The following SLC67A2 variants were observed in gnomAD, a reference collection of about 807,000 sequenced individuals.
The protein encoded by SLC67A2 is solute carrier family 67 member A2.
chr2:102,733,291 T>C, the SLC67A2 span, among the ~76,000 whole-genome samples: 1 of 152,218 alleles, frequency 6.6e-6, no homozygotes, highest in Non-Finnish European at 1.5e-5. Flanking sequence ...GTTTTCATTA[T>C]ATTCGACCTG....
the SLC67A2 span, among the ~76,000 whole-genome samples, chr2:102,721,657 C>CTGTGTGTGTGTGTG: frequency 7.4e-5 from 11 of 148,906 alleles, no homozygotes; most frequent in African/African-American, 2.7e-4. Context: ...GCTCATAGTC[C>CTGTGTGTGTGTGTG]TGTGTGTGTG....
At chr2:102,718,624 G>A in the SLC67A2 span, 1 of 1,613,808 alleles carries the variant, frequency 6.2e-7, no homozygotes, top group Non-Finnish European at 8.5e-7. Flanking sequence ...GGGTGCCGCT[G>A]GCCTGGGCCC....
At chr2:102,719,220 C>T in the SLC67A2 span, 40 of 1,603,978 alleles carry the variant, frequency 2.5e-5, 1 homozygote, top group South Asian at 6.6e-5. Flanking sequence ...GTTAAAATGG[C>T]ATGAGACCGG....
the SLC67A2 span, among the ~76,000 whole-genome samples, chr2:102,725,301 G>A: frequency 6.6e-6 from 1 of 152,130 alleles, no homozygotes; most frequent in Non-Finnish European, 1.5e-5. Context: ...AGGTTACATG[G>A]GCAAGGAGGA....
the SLC67A2 span, among the ~76,000 whole-genome samples, chr2:102,724,580 C>T: frequency 2.6e-5 from 4 of 152,226 alleles, no homozygotes; most frequent in East Asian, 3.8e-4. Context: ...AGACCCCCCA[C>T]GTGCAGAACA....
chr2:102,736,652 G>A, the SLC67A2 span: 1 of 1,613,940 alleles, frequency 6.2e-7, no homozygotes, highest in Non-Finnish European at 8.5e-7. Context: ...TCACCAAGAA[G>A]CCCACCAAGT....
chr2:102,718,716 C>T, the SLC67A2 span: 1 of 1,613,950 alleles, frequency 6.2e-7, no homozygotes, highest in Non-Finnish European at 8.5e-7. Context: ...GAGAGGACAA[C>T]TGCACCCATG....
At chr2:102,720,343 CAG>C in the SLC67A2 span, among the ~76,000 whole-genome samples, 2 of 152,092 alleles carry the variant, frequency 1.3e-5, no homozygotes, top group Admixed American at 6.5e-5. Flanking sequence ...GAACATTACA[CAG>C]AATATTGATA....
At chr2:102,720,645 C>A in the SLC67A2 span, among the ~76,000 whole-genome samples, 4 of 152,010 alleles carry the variant, frequency 2.6e-5, no homozygotes, top group Non-Finnish European at 4.4e-5. Context: ...GTTTTGTTAC[C>A]CCATTTTATA....
the SLC67A2 span, chr2:102,736,763 G>A: frequency 6.2e-7 from 1 of 1,613,760 alleles, no homozygotes; most frequent in Admixed American, 1.7e-5. Flanking sequence ...CGGTCTCCGA[G>A]ACCAGCCTCG....
chr2:102,719,272 G>C, the SLC67A2 span: 1 of 1,477,412 alleles, frequency 6.8e-7, no homozygotes, highest in African/African-American at 1.4e-5. Flanking sequence ...CTACCTCCTT[G>C]GGGAAGGGCC....
chr2:102,721,098 G>A, the SLC67A2 span, among the ~76,000 whole-genome samples: 7 of 152,318 alleles, frequency 4.6e-5, 1 homozygote, highest in African/African-American at 1.7e-4. Flanking sequence ...ACTTGCAGCG[G>A]AATGTTTTCC....
chr2:102,736,860 G>T, the SLC67A2 span: 1 of 1,545,032 alleles, frequency 6.5e-7, no homozygotes, highest in Non-Finnish European at 8.7e-7. Flanking sequence ...GACCTACCCC[G>T]GGAGCCCAGC....
At chr2:102,727,761 T>A in the SLC67A2 span, among the ~76,000 whole-genome samples, 1 of 152,190 alleles carries the variant, frequency 6.6e-6, no homozygotes, top group Non-Finnish European at 1.5e-5. Flanking sequence ...CTGGAAAGAT[T>A]TGTAATCCCA....
At chr2:102,718,525 G>A in the SLC67A2 span, 1 of 1,613,384 alleles carries the variant, frequency 6.2e-7, no homozygotes, top group Non-Finnish European at 8.5e-7. Context: ...GGCTGGGGGG[G>A]CCGCAAGGGC....
At chr2:102,723,825 T>G in the SLC67A2 span, 1 of 1,614,194 alleles carries the variant, frequency 6.2e-7, no homozygotes, top group Non-Finnish European at 8.5e-7. Context: ...TGTGTTGAAG[T>G]GTCCGATTAC....
chr2:102,726,879 A>G, the SLC67A2 span: 32 of 1,612,614 alleles, frequency 2.0e-5, no homozygotes, highest in Admixed American at 4.7e-4. Flanking sequence ...ACAGAAACAC[A>G]TTGGTGGCTG....
chr2:102,735,884 G>A, the SLC67A2 span, among the ~76,000 whole-genome samples: 1 of 151,158 alleles, frequency 6.6e-6, no homozygotes, highest in Non-Finnish European at 1.5e-5. Context: ...AAACCAAACC[G>A]CCATTGTGCA....
At chr2:102,723,010 A>G in the SLC67A2 span, among the ~76,000 whole-genome samples, 1 of 152,254 alleles carries the variant, frequency 6.6e-6, no homozygotes, top group Non-Finnish European at 1.5e-5. Context: ...AAATCTGAAT[A>G]GACATTTCTC....
Sources: allele counts gnomAD v4.1 joint callset (sites outside exome capture counted in the v4.1 genomes callset), GRCh38; gene constraint gnomAD v4.1.1; transcripts MANE v1.5; gene names NCBI Gene and HGNC (gene_info 2026-07-23, HGNC 2026-07-21).